Variants in PLEKHA7 observed in about 807,000 individuals in gnomAD.
The protein encoded by PLEKHA7 is pleckstrin homology domain containing A7.
Under a neutral mutation model 170.0 loss-of-function variants are expected in PLEKHA7, and 104 were observed. That is an observed-to-expected ratio of 0.61 (90% CI 0.52 to 0.72). The LOEUF (loss-of-function observed/expected upper bound fraction) is 0.72, where lower values mean the gene tolerates loss of function less well. PLEKHA7 is among the 30% of genes least tolerant of loss of function. The pLI, the probability that PLEKHA7 is intolerant of heterozygous loss-of-function variation, is 0.00. For missense variants in PLEKHA7, 1,615 were observed against 1,671.7 expected (o/e 0.97, Z 0.59); for synonymous variants, 648 against 660.8 (o/e 0.98, Z 0.30).
rs113504406 is a variant in PLEKHA7 at position 16,843,295 on chromosome 11, C to A, written c.697-1573G>T. On this transcript the variant is annotated intron_variant, in intron 8 of 26. Transcript: ENST00000531066. ...AGGCAGACCCCATGCAAGGACCAGGCAGAGAAAACAAAATGAGAACCAATG... is the reference window on the plus strand; with the variant it reads ...AGGCAGACCCCATGCAAGGACCAGGAAGAGAAAACAAAATGAGAACCAATG... Among the ~76,000 whole-genome samples, 202 of 152,330 alleles carry A rather than the reference C, an allele frequency of 1.3e-3. 1 individual carries two copies. Among genetic ancestry groups the A allele is most frequent in the East Asian group, 5.8e-4 (3 of 5,186 alleles).
intron 19 of PLEKHA7, among the ~76,000 whole-genome samples, chr11:16,792,584 G>A (rs1053160312): frequency 3.3e-5 from 5 of 151,784 alleles, no homozygotes; most frequent in Admixed American, 3.3e-4. Flanking sequence ...CAAGATTGTG[G>A]TTACTTCTGG....
chr11:16,873,853 GGC>G (rs1855066314), intron 3 of PLEKHA7, among the ~76,000 whole-genome samples: 1 of 152,038 alleles, frequency 6.6e-6, no homozygotes, highest in African/African-American at 2.4e-5. Context: ...TTTTAGTAGA[GGC>G]AGGGTTTCAC....
At chr11:16,889,400 C>CAAAAAAAAA (rs869268116) in intron 3 of PLEKHA7, among the ~76,000 whole-genome samples, 27 of 52,726 alleles carry the variant, frequency 5.1e-4, no homozygotes, top group Non-Finnish European at 8.2e-4. Context: ...CTTTATTGCT[C>CAAAAAAAAA]AAAAAAAAAA....
intron 3 of PLEKHA7, among the ~76,000 whole-genome samples, chr11:16,920,114 G>A (rs969654606): frequency 6.6e-6 from 1 of 152,194 alleles, no homozygotes; most frequent in African/African-American, 2.4e-5. Context: ...TTAAATGTGA[G>A]TAACTTGTAT....
intron 3 of PLEKHA7, among the ~76,000 whole-genome samples, chr11:16,916,770 GA>G (rs1310413217): frequency 6.6e-6 from 1 of 152,140 alleles, no homozygotes; most frequent in African/African-American, 2.4e-5. Context: ...ATCTGACTGA[GA>G]TGACATTGAT....
intron 10 of PLEKHA7, among the ~76,000 whole-genome samples, chr11:16,821,799 A>G (rs1374069132): frequency 6.6e-6 from 1 of 152,206 alleles, no homozygotes; most frequent in Non-Finnish European, 1.5e-5. Context: ...CACTTTGCTC[A>G]CTTAAAGATT....
intron 3 of PLEKHA7, among the ~76,000 whole-genome samples, chr11:16,914,095 G>A (rs993180914): frequency 6.6e-6 from 1 of 152,012 alleles, no homozygotes; most frequent in Non-Finnish European, 1.5e-5. Flanking sequence ...TAAGGAATAT[G>A]TAATGATCTG....
At chr11:16,894,096 C>T (rs530812983) in intron 3 of PLEKHA7, among the ~76,000 whole-genome samples, 2 of 152,188 alleles carry the variant, frequency 1.3e-5, no homozygotes, top group African/African-American at 4.8e-5. Context: ...AGAGGCCCAA[C>T]AGCTCAGGAG....
Position 17,014,250 on chromosome 11 carries a change from G to A in PLEKHA7, c.87-49C>T, listed in dbSNP as rs772849349. On this transcript the variant is annotated intron_variant, in intron 1 of 26. Transcript: ENST00000531066. ...TTAGCGCCGCCACAGCCCGCCGGGT[G>A]CCCGCCCGGCCCCCGCCCCCGCGCC... 4 of 1,395,112 alleles carry A rather than the reference G, an allele frequency of 2.9e-6. No individual in the cohort carries two copies. In the African/African-American group the frequency reaches 4.6e-5, roughly 16 times the overall value. 86.4% of individuals were successfully genotyped at this position (1,395,112 alleles called of 1,614,324 possible).
chr11:16,850,995 T>A (rs921066085), intron 8 of PLEKHA7, among the ~76,000 whole-genome samples, 196 bp downstream of exon 8: 4 of 152,200 alleles, frequency 2.6e-5, no homozygotes, highest in Non-Finnish European at 4.4e-5. Flanking sequence ...GCTGGGCGAC[T>A]CCAAAGCTTA....
intron 3 of PLEKHA7, among the ~76,000 whole-genome samples, chr11:16,964,099 A>C (rs1463617823): frequency 1.3e-5 from 2 of 152,326 alleles, no homozygotes; most frequent in East Asian, 3.9e-4. Flanking sequence ...TATTTTACTC[A>C]GCATGATGTC....
intron 3 of PLEKHA7, among the ~76,000 whole-genome samples, chr11:16,951,664 A>G (rs1195894795): frequency 1.3e-5 from 2 of 152,342 alleles, no homozygotes; most frequent in South Asian, 2.1e-4. Flanking sequence ...GAGGCAATGC[A>G]AAACCATATG....
chr11:16,935,359 T>C (rs541979657), intron 3 of PLEKHA7, among the ~76,000 whole-genome samples: 50 of 152,326 alleles, frequency 3.3e-4, no homozygotes, highest in African/African-American at 1.1e-3. Flanking sequence ...CTTGAACCCG[T>C]TGCAGTGAGC....
At chr11:16,872,619 A>G (rs1281127804) in intron 3 of PLEKHA7, among the ~76,000 whole-genome samples, 1 of 152,130 alleles carries the variant, frequency 6.6e-6, no homozygotes. Flanking sequence ...TCCTGGGCTC[A>G]AGTGATCCTC....
intron 13 of PLEKHA7, among the ~76,000 whole-genome samples, chr11:16,807,584 T>G (rs888540593): frequency 1.4e-4 from 21 of 151,960 alleles, no homozygotes; most frequent in Non-Finnish European, 2.5e-4. Flanking sequence ...GGAACTTGCT[T>G]CTTCTTTTGT....
intron 9 of PLEKHA7, among the ~76,000 whole-genome samples, chr11:16,840,022 C>A (rs1341291980): frequency 9.2e-5 from 14 of 152,092 alleles, no homozygotes; most frequent in Admixed American, 7.9e-4. Flanking sequence ...GCCCCGCAGG[C>A]TACTGGCAGA....
chr11:16,937,683 A>G (rs1174443765), intron 3 of PLEKHA7, among the ~76,000 whole-genome samples: 2 of 151,698 alleles, frequency 1.3e-5, no homozygotes, highest in African/African-American at 4.8e-5. Flanking sequence ...ATCTCAGCTC[A>G]CTGCAGCCTC....
At chr11:16,867,411 G>A (rs2135604265) in intron 4 of PLEKHA7, among the ~76,000 whole-genome samples, 1 of 152,298 alleles carries the variant, frequency 6.6e-6, no homozygotes, top group South Asian at 2.1e-4. Flanking sequence ...AGGAGTCAAT[G>A]TGGTTACAAC....
intron 3 of PLEKHA7, among the ~76,000 whole-genome samples, chr11:16,935,264 G>A (rs892698031): frequency 3.3e-5 from 5 of 152,118 alleles, no homozygotes; most frequent in Non-Finnish European, 5.9e-5. Flanking sequence ...GTGACACCCC[G>A]TCTCCACAAA....
Sources: allele counts gnomAD v4.1 joint callset (sites outside exome capture counted in the v4.1 genomes callset), GRCh38; gene constraint gnomAD v4.1.1; transcripts MANE v1.5; gene names NCBI Gene and HGNC (gene_info 2026-07-23, HGNC 2026-07-21).